PARVA: variants seen among roughly 807,000 people sequenced by gnomAD.
PARVA encodes parvin alpha.
PARVA carries 25 observed loss-of-function variants against 52.6 expected under a neutral mutation model. The ratio of observed to expected loss-of-function variants is 0.48; its 90% CI spans 0.35 to 0.66. The LOEUF (loss-of-function observed/expected upper bound fraction) is 0.66. Among genes scored for constraint, PARVA ranks in the 30% least tolerant of loss-of-function variants. The probability of loss-of-function intolerance (pLI) is 0.01; values close to 1 mark genes in which losing one functional copy is unlikely to be tolerated. For missense variants in PARVA, 373 were observed against 450.9 expected, an observed-to-expected ratio of 0.83 and a Z score of 1.56; for synonymous variants, 185 against 179.1, an observed-to-expected ratio of 1.03 and a Z score of -0.26.
At chr11:12,417,235 A>G (rs189466563) in intron 1 of PARVA, among the ~76,000 whole-genome samples, 2 of 152,076 alleles carry the variant, frequency 1.3e-5, no homozygotes, top group Non-Finnish European at 2.9e-5. Context: ...AGATAACAGC[A>G]TTGTTCACAC....
At chr11:12,514,207 G>A (rs1941540064) in intron 10 of PARVA, 142 bp downstream of exon 10, 1 of 634,122 alleles carries the variant, frequency 1.6e-6, no homozygotes, top group Non-Finnish European at 2.8e-6. Context: ...CTGAGGGGTG[G>A]ACTGAGTCTC....
intron 1 of PARVA, among the ~76,000 whole-genome samples, chr11:12,390,085 G>A (rs954109617): frequency 1.3e-5 from 2 of 152,200 alleles, no homozygotes; most frequent in East Asian, 3.9e-4. Context: ...CAAGGGGCTT[G>A]GCTGGGGGCC....
intron 1 of PARVA, among the ~76,000 whole-genome samples, chr11:12,379,528 A>C (rs1378356416): frequency 6.6e-6 from 1 of 152,244 alleles, no homozygotes; most frequent in Non-Finnish European, 1.5e-5. Flanking sequence ...GTCTTCTTAT[A>C]TCAAATGGTA....
intron 3 of PARVA, among the ~76,000 whole-genome samples, chr11:12,476,605 A>G (rs1193753268): frequency 6.6e-6 from 1 of 151,804 alleles, no homozygotes; most frequent in African/African-American, 2.4e-5. Flanking sequence ...CTACTCTCTC[A>G]TAGCACCATG....
intron 4 of PARVA, among the ~76,000 whole-genome samples, chr11:12,483,680 GC>G (rs1227254905): frequency 1.3e-5 from 2 of 152,226 alleles, no homozygotes; most frequent in African/African-American, 2.4e-5. Flanking sequence ...ATGCAGGTGG[GC>G]CAAGGAGCTG....
At chr11:12,513,665 A>T in intron 9 of PARVA, 1 of 593,616 alleles carries the variant, frequency 1.7e-6, no homozygotes, top group Non-Finnish European at 3.1e-6. Context: ...CCTGTGCCGA[A>T]GAAGGGACAG....
intron 1 of PARVA, among the ~76,000 whole-genome samples, chr11:12,382,444 C>G (rs965487912): frequency 2.0e-5 from 3 of 150,214 alleles, no homozygotes; most frequent in Non-Finnish European, 4.4e-5. Flanking sequence ...CTAATTGTCA[C>G]AGATCTCCAA....
chr11:12,408,353 T>C (rs1321704864), intron 1 of PARVA, among the ~76,000 whole-genome samples: 1 of 152,220 alleles, frequency 6.6e-6, no homozygotes, highest in Non-Finnish European at 1.5e-5. Flanking sequence ...TTCTCAGCCC[T>C]CTCGGTTGGC....
chr11:12,424,663 T>C (rs922371778), intron 1 of PARVA, among the ~76,000 whole-genome samples: 2 of 152,184 alleles, frequency 1.3e-5, no homozygotes, highest in Non-Finnish European at 2.9e-5. Flanking sequence ...ATAGATAGCA[T>C]TGCTCTAGAA....
intron 1 of PARVA, among the ~76,000 whole-genome samples, chr11:12,439,670 G>C (rs574660425): frequency 0.011 from 1,647 of 152,148 alleles, 15 homozygotes; most frequent in Middle Eastern, 0.027. Flanking sequence ...TCCCATATTG[G>C]CCCTACCTGT....
chr11:12,476,801 A>G (rs566649008), intron 3 of PARVA, among the ~76,000 whole-genome samples: 3 of 152,330 alleles, frequency 2.0e-5, no homozygotes, highest in African/African-American at 7.2e-5. Context: ...AAAAGCCTCC[A>G]GACTCCAACA....
intron 1 of PARVA, among the ~76,000 whole-genome samples, chr11:12,420,133 C>A (rs1485254944): frequency 1.3e-5 from 2 of 152,082 alleles, no homozygotes; most frequent in Admixed American, 6.6e-5. Flanking sequence ...ATTCATGGCT[C>A]TAGACAGGAA....
At chr11:12,526,814 C>T (rs1420185320) in intron 12 of PARVA, among the ~76,000 whole-genome samples, 2 of 151,484 alleles carry the variant, frequency 1.3e-5, no homozygotes, top group African/African-American at 4.9e-5. Flanking sequence ...GGTTGGCTTT[C>T]TAGGAGAGTG....
chr11:12,510,241 A>G (rs935745512), intron 7 of PARVA, among the ~76,000 whole-genome samples: 23 of 152,168 alleles, frequency 1.5e-4, no homozygotes, highest in Non-Finnish European at 3.1e-4. Flanking sequence ...CAAGTTCATT[A>G]TTCTTTCCAG....
intron 4 of PARVA, among the ~76,000 whole-genome samples, chr11:12,485,527 C>A (rs1941146486): frequency 1.3e-5 from 2 of 152,136 alleles, no homozygotes; most frequent in African/African-American, 4.8e-5. Context: ...CCTGAGGGAG[C>A]TCCCAGTGGC....
chr11:12,418,167 A>G (rs1940096239), intron 1 of PARVA, among the ~76,000 whole-genome samples: 2 of 152,174 alleles, frequency 1.3e-5, no homozygotes, highest in African/African-American at 4.8e-5. Flanking sequence ...AGCATGGGCC[A>G]AGGGGCCCAA....
At chr11:12,408,554 TG>T (rs1160410495) in intron 1 of PARVA, among the ~76,000 whole-genome samples, 1 of 152,194 alleles carries the variant, frequency 6.6e-6, no homozygotes, top group Non-Finnish European at 1.5e-5. Context: ...CTTCGGAGGC[TG>T]GGGTGTAGAG....
intron 1 of PARVA, among the ~76,000 whole-genome samples, chr11:12,414,366 G>A (rs1940034672): frequency 6.6e-6 from 1 of 151,912 alleles, no homozygotes; most frequent in South Asian, 2.1e-4. Context: ...AGAAGTTTGA[G>A]TGGTTTAAAT....
intron 1 of PARVA, among the ~76,000 whole-genome samples, chr11:12,434,990 C>T (rs1216726095): frequency 1.3e-5 from 2 of 152,170 alleles, no homozygotes; most frequent in East Asian, 1.9e-4. Flanking sequence ...CTTTCCTGCC[C>T]GTATTCACCA....
Sources: gnomAD v4.1 joint callset for allele counts (sites outside exome capture counted in the v4.1 genomes callset) on GRCh38, gnomAD v4.1.1 for gene constraint, MANE v1.5 for transcripts, NCBI Gene and HGNC (gene_info 2026-07-23, HGNC 2026-07-21) for gene names.